The following GYPC variants were observed in gnomAD, a reference collection of about 807,000 sequenced individuals.
The protein encoded by GYPC is glycophorin-C.
A neutral mutation model predicts 12.6 loss-of-function variants in GYPC; 14 were observed. That is an observed-to-expected ratio of 1.11 (90% CI 0.74 to 1.74). The LOEUF (loss-of-function observed/expected upper bound fraction) is 1.74. Ranked by LOEUF, GYPC falls within the 40% of genes most tolerant of loss-of-function variation. GYPC has a pLI of 0.00. For missense variants in GYPC, 225 were observed against 172.1 expected, an observed-to-expected ratio of 1.31 and a Z score of -1.72; for synonymous variants, 78 against 62.1, an observed-to-expected ratio of 1.26 and a Z score of -1.20.
rs567470538 is a variant in GYPC at position 126,690,932 on chromosome 2, G to A, written c.106+621G>A. On this transcript the variant is annotated intron_variant, in intron 2 of 3. Coordinates refer to ENST00000259254, the MANE Select transcript of GYPC (RefSeq NM_002101.5). ...TCTCAGCAGCTTATTAATAACTCAG[G>A]AAACATCTACAATTTGAAAAGAAAG... 7.4e-4 allele frequency among the ~76,000 whole-genome samples: 112 copies of A among 151,964 alleles called. 1 individual carries two copies. Among genetic ancestry groups the A allele is most frequent in the African/African-American group, 2.5e-3 (104 of 41,380 alleles).
At chr2:126,685,239 G>C (rs1169666874) in intron 1 of GYPC, among the ~76,000 whole-genome samples, 3 of 152,172 alleles carry the variant, frequency 2.0e-5, no homozygotes, top group African/African-American at 7.2e-5. Context: ...AGAGTAGGAA[G>C]AAAAACCACA....
At position 126,680,463 on chromosome 2, in the gene GYPC, C is replaced by T. The variant is rs1006255575; in HGVS notation, c.50-9792C>T. On this transcript the variant is annotated intron_variant, in intron 1 of 3. Transcript: ENST00000259254. ...AACCTTTCCAGTGTCTCTAGGAAAC[C>T]GTTCACACTGGAGACCCCTGAGAGG... is the stretch of plus-strand genomic sequence containing the variant. 6 of 152,168 alleles carry T rather than the reference C, an allele frequency of 3.9e-5. No homozygotes were observed. In the East Asian group the frequency reaches 9.6e-4, roughly 24 times the overall value. The allele number at this position is 152,168 out of a possible 1,614,324, so 9.4% of individuals were successfully genotyped here.
At chr2:126,673,710 G>C (rs1682915599) in intron 1 of GYPC, among the ~76,000 whole-genome samples, 1 of 152,176 alleles carries the variant, frequency 6.6e-6, no homozygotes, top group Non-Finnish European at 1.5e-5. Flanking sequence ...AGGTGCTTTA[G>C]GTACCATAAT....
chr2:126,661,504 G>A (rs888740625), intron 1 of GYPC, among the ~76,000 whole-genome samples: 1 of 150,250 alleles, frequency 6.7e-6, no homozygotes, highest in African/African-American at 2.5e-5. Flanking sequence ...CCAGGCTGGA[G>A]TGCAATGGCG....
At chr2:126,691,792 T>A (rs1295637328) in intron 2 of GYPC, among the ~76,000 whole-genome samples, 1 of 152,172 alleles carries the variant, frequency 6.6e-6, no homozygotes, top group African/African-American at 2.4e-5. Context: ...GAAGAGGAAA[T>A]AACAGTCTCT....
chr2:126,682,161 T>G (rs1683166555), intron 1 of GYPC, among the ~76,000 whole-genome samples: 1 of 152,240 alleles, frequency 6.6e-6, no homozygotes, highest in Non-Finnish European at 1.5e-5. Context: ...TCAGAACACC[T>G]GCACACAGCC....
At chr2:126,681,453 G>A (rs1221745137) in intron 1 of GYPC, among the ~76,000 whole-genome samples, 1 of 152,098 alleles carries the variant, frequency 6.6e-6, no homozygotes, top group East Asian at 1.9e-4. Flanking sequence ...CCCGAGCACG[G>A]ACTTTTGTTC....
chr2:126,683,200 T>C (rs1683195496), intron 1 of GYPC, among the ~76,000 whole-genome samples: 2 of 152,076 alleles, frequency 1.3e-5, no homozygotes, highest in African/African-American at 4.8e-5. Context: ...GTGCCTGTAA[T>C]CCCAGCTACT....
At chr2:126,660,056 T>C (rs1682493146) in intron 1 of GYPC, among the ~76,000 whole-genome samples, 1 of 152,232 alleles carries the variant, frequency 6.6e-6, no homozygotes. Flanking sequence ...AGCCAGGCTG[T>C]AGTTACAAAC....
intron 1 of GYPC, among the ~76,000 whole-genome samples, chr2:126,673,175 C>T (rs562816694): frequency 4.6e-5 from 7 of 152,246 alleles, no homozygotes; most frequent in Admixed American, 1.3e-4. Flanking sequence ...TTTCTGTGCT[C>T]TTTCTGTGTG....
chr2:126,673,342 C>T (rs1232322264), intron 1 of GYPC, among the ~76,000 whole-genome samples: 2 of 152,168 alleles, frequency 1.3e-5, no homozygotes, highest in African/African-American at 4.8e-5. Flanking sequence ...CACCAAAACA[C>T]ATTCACATTT....
At chr2:126,685,543 C>T (rs971823971) in intron 1 of GYPC, among the ~76,000 whole-genome samples, 4 of 152,096 alleles carry the variant, frequency 2.6e-5, no homozygotes, top group Admixed American at 2.0e-4. Context: ...CGCCAGCATG[C>T]CCAACTAATT....
At chr2:126,694,660 A>G (rs1683587621) in intron 3 of GYPC, among the ~76,000 whole-genome samples, 1 of 152,298 alleles carries the variant, frequency 6.6e-6, no homozygotes, top group South Asian at 2.1e-4. Context: ...TATTAACATT[A>G]TGCAGATACA....
intron 1 of GYPC, 115 bp downstream of exon 1, chr2:126,656,427 T>A: frequency 1.1e-6 from 1 of 893,064 alleles, no homozygotes; most frequent in Non-Finnish European, 1.7e-6. Context: ...GTGCCGGGCC[T>A]CCAGGCGGAG....
chr2:126,677,650 C>A (rs946105373), intron 1 of GYPC, among the ~76,000 whole-genome samples: 1 of 151,936 alleles, frequency 6.6e-6, no homozygotes, highest in Non-Finnish European at 1.5e-5. Context: ...GGGCAACACC[C>A]CGAGAGCCAC....
chr2:126,663,328 G>A (rs993132876), intron 1 of GYPC, among the ~76,000 whole-genome samples: 18 of 152,290 alleles, frequency 1.2e-4, no homozygotes, highest in African/African-American at 2.6e-4. Flanking sequence ...GAGCCACCAC[G>A]CCCAGCCTCC....
rs28387211 is a variant in GYPC, at chr2:126,692,472, T to C, written c.107-1392T>C. ...CTCATAGCACTATAATTAAAGTGAT[T>C]ATCTGAGTGGAAATGACTATTATGA... On this transcript the variant is annotated intron_variant, in intron 2 of 3. Coordinates refer to ENST00000259254, the MANE Select transcript of GYPC (RefSeq NM_002101.5). Among the ~76,000 whole-genome samples the C allele has an allele frequency of 6.8e-4, 103 of 152,010 alleles. 1 individual carries two copies. The highest frequency in any genetic ancestry group is 5.0e-3 in the East Asian group (26 of 5,182).
At chr2:126,685,304 T>C (rs985791405) in intron 1 of GYPC, among the ~76,000 whole-genome samples, 1 of 152,196 alleles carries the variant, frequency 6.6e-6, no homozygotes, top group African/African-American at 2.4e-5. Context: ...CCTTCCCCCA[T>C]TGCTGTCTGG....
At chr2:126,673,873 C>T (rs1395255939) in intron 1 of GYPC, among the ~76,000 whole-genome samples, 1 of 152,198 alleles carries the variant, frequency 6.6e-6, no homozygotes, top group African/African-American at 2.4e-5. Flanking sequence ...CCTCTTAAAT[C>T]CAGGAGGATC....
Sources: gnomAD v4.1 joint callset for allele counts (sites outside exome capture counted in the v4.1 genomes callset) on GRCh38, gnomAD v4.1.1 for gene constraint, MANE v1.5 for transcripts, NCBI Gene and HGNC (gene_info 2026-07-23, HGNC 2026-07-21) for gene names.